Variants in MAGI3 observed in about 807,000 individuals in gnomAD.
MAGI3 encodes membrane associated guanylate kinase, WW and PDZ domain containing 3.
In MAGI3, 43 loss-of-function variants were observed where a neutral mutation model predicts 121.8. The observed-to-expected ratio is 0.35, with a 90% CI of 0.28 to 0.46. The LOEUF (loss-of-function observed/expected upper bound fraction) is 0.46. MAGI3 is among the 20% of genes least tolerant of loss of function. The probability of loss-of-function intolerance (pLI) is 1.00; values close to 1 mark genes in which losing one functional copy is unlikely to be tolerated. For missense variants in MAGI3, 1,547 were observed against 1,797.3 expected, an observed-to-expected ratio of 0.86 and a Z score of 2.52; for synonymous variants, 553 against 639.3, an observed-to-expected ratio of 0.86 and a Z score of 2.04.
intron 1 of MAGI3, among the ~76,000 whole-genome samples, chr1:113,511,688 G>C (rs190468071): frequency 6.6e-5 from 10 of 152,274 alleles, no homozygotes; most frequent in Admixed American, 1.3e-4. Flanking sequence ...ACCTTGAACA[G>C]GTCCTTGTAC....
chr1:113,609,305 G>A (rs2101766605), intron 6 of MAGI3, among the ~76,000 whole-genome samples: 1 of 152,278 alleles, frequency 6.6e-6, no homozygotes, highest in Non-Finnish European at 1.5e-5. Context: ...TTAAGATATT[G>A]TTTACATTCT....
At chr1:113,526,420 A>C (rs1186390537) in intron 1 of MAGI3, among the ~76,000 whole-genome samples, 1 of 152,228 alleles carries the variant, frequency 6.6e-6, no homozygotes, top group Non-Finnish European at 1.5e-5. Flanking sequence ...GGGTTAGGGG[A>C]AGAGTGTTCC....
chr1:113,584,966 C>CAATTTTTTTTT lies in MAGI3; in HGVS notation c.554-421_554-420insAATTTTTTTTT, dbSNP rs61622151. 8.1e-5 allele frequency among the ~76,000 whole-genome samples: 9 copies of CAATTTTTTTTT among 110,746 alleles called. 2 individuals carry two copies. The highest frequency in any genetic ancestry group is 7.3e-5 in the African/African-American group (2 of 27,368). 72.7% of individuals were successfully genotyped at this position (110,746 alleles called of 152,430 possible). On this transcript the variant is annotated intron_variant, in intron 3 of 20. Coordinates refer to ENST00000307546, the MANE Select transcript of MAGI3 (RefSeq NM_001142782.2). ...TCCTTTTGGCCAATGGTAGATATTT[C>CAATTTTTTTTT]CTTTTTTTTTTTTTTTTTTTTTTGA...
intron 1 of MAGI3, among the ~76,000 whole-genome samples, chr1:113,436,718 A>G (rs1653581794): frequency 6.6e-6 from 1 of 151,956 alleles, no homozygotes; most frequent in African/African-American, 2.4e-5. Context: ...CACTTTGGAG[A>G]ATGGAATTGT....
chr1:113,660,618 T>G (rs1219788408), intron 16 of MAGI3, among the ~76,000 whole-genome samples: 2 of 16,650 alleles, frequency 1.2e-4, no homozygotes, highest in South Asian at 2.4e-3. Flanking sequence ...TGCTCAGCAT[T>G]TTTTTTTTTT....
intron 2 of MAGI3, among the ~76,000 whole-genome samples, chr1:113,563,273 G>A (rs1278676498): frequency 6.6e-6 from 1 of 152,132 alleles, no homozygotes; most frequent in Non-Finnish European, 1.5e-5. Context: ...GACAGAATCT[G>A]TCAGAAAACT....
intron 9 of MAGI3, among the ~76,000 whole-genome samples, chr1:113,633,422 C>T (rs1410779232): frequency 2.7e-5 from 4 of 150,622 alleles, no homozygotes; most frequent in East Asian, 2.0e-4. Flanking sequence ...CCACTACGCC[C>T]GGCTAATTTT....
At chr1:113,660,549 C>G (rs1054959661) in intron 16 of MAGI3, among the ~76,000 whole-genome samples, 26 of 151,670 alleles carry the variant, frequency 1.7e-4, no homozygotes, top group African/African-American at 6.3e-4. Flanking sequence ...AACCATATCC[C>G]TATTTAAATG....
At position 113,684,770 on chromosome 1, in the gene MAGI3, G is replaced by T. The variant is rs1400760855; in HGVS notation, c.*756G>T. The T allele has an allele frequency of 1.3e-5, 2 of 152,228 alleles. No individual in the cohort carries two copies. The highest frequency in any genetic ancestry group is 1.9e-4 in the East Asian group (1 of 5,328). 9.4% of individuals were successfully genotyped at this position (152,228 alleles called of 1,614,324 possible). A position where few individuals can be genotyped will look rare whatever the true frequency, so the allele number is the denominator to read the frequency against. On this transcript the variant is annotated 3_prime_UTR_variant, in exon 21 of 21. Transcript: ENST00000307546. ...ATCTCCTGCTGTGTTATCCAACCTC[G>T]ATGTATACTTACAGCATCTCAGGTC... is the stretch of plus-strand genomic sequence containing the variant.
At chr1:113,629,342 TTTG>T (rs1651450134) in intron 9 of MAGI3, among the ~76,000 whole-genome samples, 1 of 152,232 alleles carries the variant, frequency 6.6e-6, no homozygotes, top group Non-Finnish European at 1.5e-5. Context: ...ATCTTGATTT[TTTG>T]TTGTTGTTTT....
chr1:113,396,730 G>A (rs2101276950), intron 1 of MAGI3, among the ~76,000 whole-genome samples: 1 of 152,296 alleles, frequency 6.6e-6, no homozygotes, highest in South Asian at 2.1e-4. Flanking sequence ...CACCCACCAA[G>A]TGCCAGCATG....
intron 13 of MAGI3, among the ~76,000 whole-genome samples, 157 bp downstream of exon 13, chr1:113,649,485 T>C (rs1474030228): frequency 6.6e-6 from 1 of 152,206 alleles, no homozygotes; most frequent in African/African-American, 2.4e-5. Context: ...CCCTCAGTTA[T>C]TGTGGTGTAG....
chr1:113,566,126 T>TCATATATTG (rs1660425748), intron 2 of MAGI3, among the ~76,000 whole-genome samples: 1 of 152,200 alleles, frequency 6.6e-6, no homozygotes, highest in Non-Finnish European at 1.5e-5. Flanking sequence ...ACCGCAGCTC[T>TCATATATTG]CATATATTGC....
chr1:113,423,217 C>T (rs1408952510), intron 1 of MAGI3, among the ~76,000 whole-genome samples: 1 of 143,894 alleles, frequency 6.9e-6, no homozygotes, highest in Non-Finnish European at 1.5e-5. Flanking sequence ...TAGTTCCTAT[C>T]TGCAGGCAGG....
Position 113,427,591 on chromosome 1 carries a change from A to G in MAGI3, c.316+36242A>G, listed in dbSNP as rs920648997. Among the ~76,000 whole-genome samples the G allele has an allele frequency of 5.3e-5, 8 of 152,288 alleles. No individual in the cohort carries two copies. The South Asian group carries it at 1.7e-3, about 32-fold the overall frequency. ...TTCTTCTGTAGAGTAGAGGGCACAT[A>G]TAGTCCTGAAATCCCAAATTAGTTT... On this transcript the variant is annotated intron_variant, in intron 1 of 20. Coordinates refer to ENST00000307546, the MANE Select transcript of MAGI3 (RefSeq NM_001142782.2).
intron 15 of MAGI3, among the ~76,000 whole-genome samples, chr1:113,654,283 T>C (rs1201218480): frequency 6.6e-6 from 1 of 152,222 alleles, no homozygotes; most frequent in Non-Finnish European, 1.5e-5. Flanking sequence ...CTGAAGACAG[T>C]ATGTCATAGA....
chr1:113,467,773 A>G (rs1217661754), intron 1 of MAGI3, among the ~76,000 whole-genome samples: 1 of 152,120 alleles, frequency 6.6e-6, no homozygotes, highest in East Asian at 1.9e-4. Context: ...GGCTTCAAGC[A>G]GTCCTCCTGT....
At chr1:113,679,752 CTG>C (rs1372610692) in intron 19 of MAGI3, among the ~76,000 whole-genome samples, 1 of 150,114 alleles carries the variant, frequency 6.7e-6, no homozygotes, top group Non-Finnish European at 1.5e-5. Flanking sequence ...GCTGCCCAGA[CTG>C]GAGTGCAGTG....
intron 6 of MAGI3, among the ~76,000 whole-genome samples, chr1:113,604,848 T>TAA (rs1211386755): frequency 2.0e-5 from 3 of 151,356 alleles, no homozygotes; most frequent in Non-Finnish European, 2.9e-5. Context: ...GGGGAAGGGA[T>TAA]AAAAACTACA....
Sources: gnomAD v4.1 joint callset for allele counts (sites outside exome capture counted in the v4.1 genomes callset) on GRCh38, gnomAD v4.1.1 for gene constraint, MANE v1.5 for transcripts, NCBI Gene and HGNC (gene_info 2026-07-23, HGNC 2026-07-21) for gene names.